DENND1A: variants seen among roughly 807,000 people sequenced by gnomAD.
DENND1A encodes DENN domain-containing protein 1A.
A neutral mutation model predicts 113.7 loss-of-function variants in DENND1A; 51 were observed. The observed-to-expected ratio is 0.45, with a 90% confidence interval of 0.36 to 0.57. The LOEUF is 0.57. Ranked by LOEUF, DENND1A falls within the 20% of genes least tolerant of loss-of-function variation. The pLI, the probability that DENND1A is intolerant of heterozygous loss-of-function variation, is 0.00. For synonymous variants in DENND1A, 565 were observed against 570.8 expected (o/e 0.99, Z 0.14); for missense variants, 1,258 against 1,395.9 (o/e 0.90, Z 1.57).
At chr9:123,519,790 A>G (rs1002736123) in intron 13 of DENND1A, among the ~76,000 whole-genome samples, 6 of 152,122 alleles carry the variant, frequency 3.9e-5, no homozygotes, top group African/African-American at 1.2e-4. Flanking sequence ...GAGGCATGGC[A>G]TGTGACTCAA....
At chr9:123,676,668 A>G (rs2064094781) in intron 6 of DENND1A, 52 bp downstream of exon 6, 1 of 1,548,200 alleles carries the variant, frequency 6.5e-7, no homozygotes, top group East Asian at 2.4e-5. Flanking sequence ...CTTTTTCATC[A>G]TAAAAATTAA....
intron 12 of DENND1A, among the ~76,000 whole-genome samples, chr9:123,579,086 CA>C (rs1311890346): frequency 2.0e-5 from 3 of 152,116 alleles, no homozygotes; most frequent in African/African-American, 7.2e-5. Flanking sequence ...GAAACAAAAA[CA>C]GGGGGGTATC....
rs116209984 is a variant in DENND1A, at chr9:123,644,214, T to C, written c.618+7799A>G. Among the ~76,000 whole-genome samples, 215 of 152,134 alleles carry C rather than the reference T, an allele frequency of 1.4e-3. 1 individual carries two copies. The highest frequency in any genetic ancestry group is 4.9e-3 in the African/African-American group (205 of 41,520). Reference sequence around the variant, plus strand: ...TACATGATTAGCATAGTGCCTGTCATATAGGAAATGGATGGCTCAAAAGGT... The same window carrying C: ...TACATGATTAGCATAGTGCCTGTCACATAGGAAATGGATGGCTCAAAAGGT... On this transcript the variant is annotated intron_variant, in intron 9 of 23. Coordinates refer to ENST00000394215, the MANE Select transcript of DENND1A (RefSeq NM_001352964.2).
chr9:123,551,374 T>C (rs1348851953), intron 13 of DENND1A, among the ~76,000 whole-genome samples: 1 of 152,174 alleles, frequency 6.6e-6, no homozygotes, highest in East Asian at 1.9e-4. Flanking sequence ...CCAAAATATA[T>C]TCACTGATAC....
chr9:123,845,510 C>A (rs1264607825), intron 2 of DENND1A, among the ~76,000 whole-genome samples: 1 of 150,846 alleles, frequency 6.6e-6, no homozygotes, highest in Non-Finnish European at 1.5e-5. Context: ...CCCTACCCAC[C>A]CCCCAAAAAA....
intron 13 of DENND1A, among the ~76,000 whole-genome samples, chr9:123,514,692 T>C (rs528434429): frequency 1.3e-5 from 2 of 152,290 alleles, no homozygotes; most frequent in East Asian, 3.9e-4. Context: ...ATAGGAACCA[T>C]TGGTGTGAAC....
intron 13 of DENND1A, among the ~76,000 whole-genome samples, chr9:123,546,319 T>C (rs768357475): frequency 1.6e-4 from 25 of 151,780 alleles, no homozygotes; most frequent in Middle Eastern, 6.8e-3. Flanking sequence ...GAGGCCAAGG[T>C]GGGCAGATCA....
At chr9:123,564,745 C>A (rs1457390546) in intron 12 of DENND1A, among the ~76,000 whole-genome samples, 3 of 152,170 alleles carry the variant, frequency 2.0e-5, no homozygotes, top group Non-Finnish European at 4.4e-5. Flanking sequence ...CATTTCAATC[C>A]ATTTAAATTT....
chr9:123,657,709 C>A (rs1162810887), intron 8 of DENND1A, among the ~76,000 whole-genome samples: 2 of 152,060 alleles, frequency 1.3e-5, no homozygotes, highest in Admixed American at 6.5e-5. Context: ...ACTGAAATAA[C>A]TCCTATTCAA....
At chr9:123,428,709 G>C (rs2045921832) in intron 19 of DENND1A, among the ~76,000 whole-genome samples, 1 of 152,188 alleles carries the variant, frequency 6.6e-6, no homozygotes, top group Admixed American at 6.5e-5. Context: ...CAAAGTCTCA[G>C]GATACAAAAT....
At chr9:123,455,794 T>G (rs775505132) in intron 15 of DENND1A, among the ~76,000 whole-genome samples, 1 of 152,232 alleles carries the variant, frequency 6.6e-6, no homozygotes, top group Non-Finnish European at 1.5e-5. Context: ...TAACAACACC[T>G]AAAGCCTTTC....
chr9:123,862,933 C>T (rs1264320624), intron 2 of DENND1A, among the ~76,000 whole-genome samples: 1 of 152,226 alleles, frequency 6.6e-6, no homozygotes, highest in African/African-American at 2.4e-5. Flanking sequence ...CTCATTTAAA[C>T]TGTACCTCAA....
rs188172388 is a variant in DENND1A, at chr9:123,854,310, G to A, written c.88+24641C>T. Among the ~76,000 whole-genome samples the A allele has an allele frequency of 1.3e-3, 193 of 152,244 alleles. 1 individual carries two copies. Among genetic ancestry groups the A allele is most frequent in the African/African-American group, 4.4e-3 (184 of 41,530 alleles). On this transcript the variant is annotated intron_variant, in intron 2 of 23. Coordinates refer to ENST00000394215, the MANE Select transcript of DENND1A (RefSeq NM_001352964.2). ...CCCAATCACAACATTTGTAAAGAAC[G>A]TCTACATGTAATAGGACCCAGATGT...
At chr9:123,830,469 T>C (rs141342296) in intron 2 of DENND1A, among the ~76,000 whole-genome samples, 278 of 152,074 alleles carry the variant, frequency 1.8e-3, no homozygotes, top group African/African-American at 6.4e-3. Flanking sequence ...ATTTGTTCAT[T>C]TTACTATATG....
chr9:123,393,054 T>G (rs1385876841), intron 21 of DENND1A, among the ~76,000 whole-genome samples: 1 of 152,254 alleles, frequency 6.6e-6, no homozygotes, highest in Non-Finnish European at 1.5e-5. Flanking sequence ...CTTTATCCAC[T>G]TGCTGATTGA....
chr9:123,662,478 G>A (rs935926253), intron 8 of DENND1A, among the ~76,000 whole-genome samples: 2 of 152,164 alleles, frequency 1.3e-5, no homozygotes, highest in Admixed American at 6.5e-5. Flanking sequence ...CAGGACAATC[G>A]CTTGAGCCCA....
intron 20 of DENND1A, among the ~76,000 whole-genome samples, chr9:123,408,165 C>G (rs2044028646): frequency 6.6e-6 from 1 of 152,174 alleles, no homozygotes; most frequent in Non-Finnish European, 1.5e-5. Context: ...GGCTACGTGA[C>G]CCAGCAAAGC....
At chr9:123,537,244 GA>G (rs993428820) in intron 13 of DENND1A, among the ~76,000 whole-genome samples, 3 of 151,050 alleles carry the variant, frequency 2.0e-5, no homozygotes, top group Non-Finnish European at 3.0e-5. Context: ...AACTATATAA[GA>G]AAAAAAGAAC....
Position 123,583,154 on chromosome 9 carries a change from A to T in DENND1A, c.867+15T>A. 1 of 1,588,282 alleles carries T rather than the reference A, an allele frequency of 6.3e-7. No individual in the cohort carries two copies. The highest frequency in any genetic ancestry group is 1.7e-4 in the Middle Eastern group (1 of 5,848). On this transcript the variant is annotated intron_variant, in intron 12 of 23. Transcript: ENST00000394215. ...GAGCTCACAGAAGTGAGATCCTCGCAAGCTCATTACCTACCACGTCGTTTG... is the reference window on the plus strand; with the variant it reads ...GAGCTCACAGAAGTGAGATCCTCGCTAGCTCATTACCTACCACGTCGTTTG...
Sources: gnomAD v4.1 joint callset for allele counts (sites outside exome capture counted in the v4.1 genomes callset) on GRCh38, gnomAD v4.1.1 for gene constraint, MANE v1.5 for transcripts, NCBI Gene and HGNC (gene_info 2026-07-23, HGNC 2026-07-21) for gene names.